Variants in VEZT observed in about 807,000 individuals in gnomAD.
The protein encoded by VEZT is vezatin, adherens junctions transmembrane protein.
In VEZT, 39 loss-of-function variants were observed where a neutral mutation model predicts 79.9. The observed-to-expected ratio is 0.49, with a 90% CI of 0.38 to 0.64. The LOEUF (loss-of-function observed/expected upper bound fraction) is 0.64, where lower values mean the gene tolerates loss of function less well. VEZT is among the 30% of genes least tolerant of loss of function. The pLI, the probability that VEZT is intolerant of heterozygous loss-of-function variation, is 0.00. For synonymous variants in VEZT, 325 were observed against 327.6 expected (o/e 0.99, Z 0.09); for missense variants, 837 against 893.1 (o/e 0.94, Z 0.80).
At chr12:95,251,746 T>C (rs2062644441) in intron 1 of VEZT, among the ~76,000 whole-genome samples, 194 bp from the exon 2 acceptor site, 1 of 152,206 alleles carries the variant, frequency 6.6e-6, no homozygotes, top group African/African-American at 2.4e-5. Flanking sequence ...TTTGGGTTCC[T>C]CTGTTGAATT....
intron 5 of VEZT, among the ~76,000 whole-genome samples, chr12:95,267,603 T>TA (rs1382184498): frequency 1.3e-5 from 2 of 152,190 alleles, no homozygotes; most frequent in East Asian, 1.9e-4. Flanking sequence ...ACACTGTTTC[T>TA]AAAAAATCAT....
At chr12:95,289,708 A>T (rs567271212) in intron 9 of VEZT, among the ~76,000 whole-genome samples, 13 of 152,352 alleles carry the variant, frequency 8.5e-5, no homozygotes, top group African/African-American at 3.1e-4. Context: ...GTTTAAATTT[A>T]AAAAATGTTC....
intron 1 of VEZT, chr12:95,243,912 G>T (rs1375901756): frequency 6.6e-6 from 3 of 455,440 alleles, no homozygotes; most frequent in Non-Finnish European, 4.4e-6. Context: ...ACCCACTCCC[G>T]CTTTGACCTT....
rs1159620718 is a variant in VEZT, at chr12:95,301,251, A to G, written c.*578A>G. 2 of 152,172 alleles carry G rather than the reference A, an allele frequency of 1.3e-5. No individual in the cohort carries two copies. Among genetic ancestry groups the G allele is most frequent in the Non-Finnish European group, 2.9e-5 (2 of 68,020 alleles). The allele number at this position is 152,172 out of a possible 1,614,324, so 9.4% of individuals were successfully genotyped here. A position where few individuals can be genotyped will look rare whatever the true frequency, so the allele number is the denominator to read the frequency against. ...TGACATTTCTTATGTTTCTTTGTTC[A>G]TGTGTGTATTTAGTAGTTAATTTTA... is the stretch of plus-strand genomic sequence containing the variant. On this transcript the variant is annotated 3_prime_UTR_variant, in exon 12 of 12. Coordinates refer to ENST00000436874, the MANE Select transcript of VEZT (RefSeq NM_017599.4).
intron 3 of VEZT, among the ~76,000 whole-genome samples, 199 bp from the exon 4 acceptor site, chr12:95,262,707 A>G (rs1023128019): frequency 6.6e-6 from 1 of 152,226 alleles, no homozygotes; most frequent in Non-Finnish European, 1.5e-5. Flanking sequence ...AATAATGTCT[A>G]TCTCAACCTT....
chr12:95,278,457 A>T (rs763174526), intron 7 of VEZT, among the ~76,000 whole-genome samples: 1 of 152,208 alleles, frequency 6.6e-6, no homozygotes, highest in African/African-American at 2.4e-5. Context: ...CCTTATCTTG[A>T]GGAGCTCTAT....
At chr12:95,246,979 C>T (rs2061809898) in intron 1 of VEZT, among the ~76,000 whole-genome samples, 1 of 152,134 alleles carries the variant, frequency 6.6e-6, no homozygotes, top group African/African-American at 2.4e-5. Context: ...AAATATTTCC[C>T]TGTATTTATT....
intron 1 of VEZT, among the ~76,000 whole-genome samples, chr12:95,245,843 G>C (rs900804184): frequency 6.6e-6 from 1 of 152,164 alleles, no homozygotes; most frequent in Admixed American, 6.5e-5. Flanking sequence ...ATCTGAGTAT[G>C]GTAGCTTGCA....
At chr12:95,237,004 A>G (rs1185011271) in intron 1 of VEZT, among the ~76,000 whole-genome samples, 1 of 152,244 alleles carries the variant, frequency 6.6e-6, no homozygotes. Flanking sequence ...TTCTAACTTA[A>G]TCTGCTAAAT....
chr12:95,275,899 C>T (rs1200768899), intron 7 of VEZT: 1 of 149,536 alleles, frequency 6.7e-6, no homozygotes, highest in Non-Finnish European at 1.5e-5. Context: ...AGAAGAAATA[C>T]AAATGGCCAA....
chr12:95,286,660 T>C (rs2070965549), intron 8 of VEZT: 1 of 400,652 alleles, frequency 2.5e-6, no homozygotes, highest in Non-Finnish European at 5.0e-6. Context: ...TTTCTTCAGG[T>C]TCCAAAGTAT....
intron 5 of VEZT, among the ~76,000 whole-genome samples, chr12:95,268,249 A>G (rs1778816526): frequency 6.6e-6 from 1 of 152,198 alleles, no homozygotes; most frequent in Non-Finnish European, 1.5e-5. Flanking sequence ...TAATCCCAGC[A>G]CTTTGGGAGG....
chr12:95,220,800 A>G (rs1341518346), intron 1 of VEZT, among the ~76,000 whole-genome samples: 2 of 152,208 alleles, frequency 1.3e-5, no homozygotes, highest in Non-Finnish European at 2.9e-5. Flanking sequence ...AACTAGTGCT[A>G]CTGTGAACCT....
intron 1 of VEZT, among the ~76,000 whole-genome samples, chr12:95,222,851 T>C (rs2057828798): frequency 6.6e-6 from 1 of 152,204 alleles, no homozygotes; most frequent in Admixed American, 6.5e-5. Flanking sequence ...CTCATCTCGT[T>C]CTGTGCTCTA....
chr12:95,224,063 G>C (rs184206334), intron 1 of VEZT: 1 of 408,732 alleles, frequency 2.4e-6, no homozygotes, highest in Non-Finnish European at 5.0e-6. Flanking sequence ...ATATAGTTGA[G>C]GGATTGATGT....
Position 95,300,582 on chromosome 12 carries a change from T to C in VEZT, c.2249T>C (p.Leu750Pro). 6.2e-7 allele frequency: 1 copy of C among 1,613,784 alleles called. No individual in the cohort carries two copies. Among genetic ancestry groups the C allele is most frequent in the East Asian group, 2.2e-5 (1 of 44,878 alleles). The change falls in exon 12 of 12, where the codon CTC becomes CCC. Residue 750 changes from leucine (L) to proline (P), a missense_variant. By Grantham distance (98) the Leu-to-Pro change is moderately conservative. Transcript: ENST00000436874. ...GCTGCAGAAGTGGCTGCTAGATCTC[T>C]CTCCTTTACCACCATGCAGGAACAG... The part of the protein sequence containing the change: ...GLAAEVAARS[L>P]SFTTMQEQTF...
intron 2 of VEZT, 28 bp from the exon 3 acceptor site, chr12:95,257,122 C>G (rs1339797298): frequency 6.4e-7 from 1 of 1,562,244 alleles, no homozygotes; most frequent in African/African-American, 1.4e-5. Flanking sequence ...TTTTAATAAT[C>G]CTATACAATG....
chr12:95,289,417 CA>C (rs146728004), intron 9 of VEZT, among the ~76,000 whole-genome samples: 19,417 of 69,702 alleles, frequency 0.28, 934 homozygotes, highest in African/African-American at 0.41. Flanking sequence ...ACTCTTGTCT[CA>C]AAAAAAAAAA....
intron 1 of VEZT, among the ~76,000 whole-genome samples, chr12:95,250,898 A>G (rs1287537242): frequency 6.6e-6 from 1 of 152,192 alleles, no homozygotes; most frequent in East Asian, 1.9e-4. Context: ...TCTATGAACT[A>G]AGTGCTATTA....
Sources: allele counts gnomAD v4.1 joint callset (sites outside exome capture counted in the v4.1 genomes callset), GRCh38; gene constraint gnomAD v4.1.1; transcripts MANE v1.5; gene names NCBI Gene and HGNC (gene_info 2026-07-23, HGNC 2026-07-21).